Variants in MTA3 observed in about 807,000 individuals in gnomAD.
The protein encoded by MTA3 is metastasis-associated protein MTA3.
A neutral mutation model predicts 83.5 loss-of-function variants in MTA3; 34 were observed. That is an observed-to-expected ratio of 0.41 (90% CI 0.31 to 0.54). MTA3 has a LOEUF of 0.54. MTA3 is among the 20% of genes least tolerant of loss of function. The probability of loss-of-function intolerance (pLI) is 0.33; values close to 1 mark genes in which losing one functional copy is unlikely to be tolerated. For missense variants in MTA3, 761 were observed against 726.4 expected (o/e 1.05, Z -0.55); for synonymous variants, 303 against 252.7 (o/e 1.20, Z -1.89).
chr2:42,669,083 ATTT>A (rs761988223), intron 8 of MTA3, among the ~76,000 whole-genome samples: 6 of 130,718 alleles, frequency 4.6e-5, no homozygotes, highest in Non-Finnish European at 3.2e-5. Context: ...GAAAATACAG[ATTT>A]TTTTTTTTTT....
intron 4 of MTA3, among the ~76,000 whole-genome samples, chr2:42,634,987 A>G (rs529593983): frequency 2.0e-5 from 3 of 152,252 alleles, no homozygotes; most frequent in South Asian, 2.1e-4. Flanking sequence ...GGAGTTTATC[A>G]TTGTTTTACC....
At chr2:42,725,302 A>G (rs907955832) in intron 16 of MTA3, among the ~76,000 whole-genome samples, 12 of 152,186 alleles carry the variant, frequency 7.9e-5, no homozygotes, top group African/African-American at 2.7e-4. Flanking sequence ...AAATTTTCCA[A>G]AGTTACCAGG....
chr2:42,592,562 G>GTA (rs1256839629), intron 3 of MTA3, among the ~76,000 whole-genome samples: 1 of 152,134 alleles, frequency 6.6e-6, no homozygotes, highest in African/African-American at 2.4e-5. Flanking sequence ...CAAGCCTGGT[G>GTA]TACAGATGGA....
chr2:42,666,309 A>AT (rs1690229219), intron 8 of MTA3, among the ~76,000 whole-genome samples: 12 of 152,144 alleles, frequency 7.9e-5, no homozygotes, highest in Admixed American at 7.9e-4. Flanking sequence ...CGTAACTGTT[A>AT]TTTTATTTTG....
chr2:42,548,863 T>TA (rs1283182223), intron 2 of MTA3, among the ~76,000 whole-genome samples: 22 of 11,928 alleles, frequency 1.8e-3, no homozygotes, highest in South Asian at 7.9e-3. Flanking sequence ...ATATATAATA[T>TA]ATATATATAT....
At chr2:42,543,180 AT>A (rs571734488) in intron 2 of MTA3, among the ~76,000 whole-genome samples, 9 of 151,120 alleles carry the variant, frequency 6.0e-5, no homozygotes, top group Admixed American at 2.0e-4. Flanking sequence ...ATCTTAAACA[AT>A]TTTTTTTGTT....
At chr2:42,632,283 G>C (rs1242700950) in intron 4 of MTA3, among the ~76,000 whole-genome samples, 4 of 151,394 alleles carry the variant, frequency 2.6e-5, no homozygotes, top group Admixed American at 1.3e-4. Flanking sequence ...GTAGAGACAG[G>C]GTTTCACCGT....
chr2:42,724,288 A>ACACACACACACACT (rs1667649862), intron 16 of MTA3, among the ~76,000 whole-genome samples: 1 of 142,632 alleles, frequency 7.0e-6, no homozygotes, highest in Non-Finnish European at 1.5e-5. Context: ...ACACACACAC[A>ACACACACACACACT]CACACACACA....
intron 16 of MTA3, among the ~76,000 whole-genome samples, chr2:42,729,291 C>T (rs1318163008): frequency 3.3e-5 from 5 of 151,236 alleles, no homozygotes; most frequent in East Asian, 1.9e-4. Flanking sequence ...TTAGTAGAGA[C>T]GGGGTTTCAC....
At chr2:42,523,548 T>C (rs182837310) in intron 2 of MTA3, among the ~76,000 whole-genome samples, 5 of 152,300 alleles carry the variant, frequency 3.3e-5, no homozygotes, top group Non-Finnish European at 5.9e-5. Context: ...TAGACGCTCA[T>C]CTCAGTTGCT....
chr2:42,499,554 G>A (rs1440981644), intron 2 of MTA3, among the ~76,000 whole-genome samples: 1 of 151,466 alleles, frequency 6.6e-6, no homozygotes, highest in Non-Finnish European at 1.5e-5. Context: ...CACTTTCGGA[G>A]GCCGAGTCAG....
At chr2:42,635,180 T>G (rs1041456547) in intron 4 of MTA3, among the ~76,000 whole-genome samples, 8 of 152,212 alleles carry the variant, frequency 5.3e-5, no homozygotes, top group Non-Finnish European at 1.2e-4. Flanking sequence ...AATCTAGTCT[T>G]CTGAAAGCAT....
chr2:42,650,410 C>T (rs1308292207), intron 6 of MTA3, among the ~76,000 whole-genome samples: 1 of 151,940 alleles, frequency 6.6e-6, no homozygotes, highest in Non-Finnish European at 1.5e-5. Context: ...TATTTCTGTA[C>T]ATTTGATTGT....
chr2:42,564,647 G>A (rs1558438383), upstream of MTA3, among the ~76,000 whole-genome samples: 1 of 152,112 alleles, frequency 6.6e-6, no homozygotes, highest in Non-Finnish European at 1.5e-5. Context: ...TGGAAAACAC[G>A]AACCAACAAG....
At chr2:42,701,543 G>A (rs1346402875) in intron 11 of MTA3, among the ~76,000 whole-genome samples, 3 of 152,032 alleles carry the variant, frequency 2.0e-5, no homozygotes, top group Non-Finnish European at 4.4e-5. Context: ...ACTGCAGTGA[G>A]TGGTGATCAC....
intron 8 of MTA3, among the ~76,000 whole-genome samples, chr2:42,674,446 C>T (rs1348226100): frequency 6.6e-6 from 1 of 152,194 alleles, no homozygotes; most frequent in African/African-American, 2.4e-5. Context: ...TGCTTTTTGG[C>T]AGAGAGAACA....
At chr2:42,661,701 T>C (rs1010404953) in intron 8 of MTA3, among the ~76,000 whole-genome samples, 3 of 152,042 alleles carry the variant, frequency 2.0e-5, no homozygotes, top group African/African-American at 7.2e-5. Context: ...TTACCCAGAG[T>C]AGAATGTTCT....
intron 4 of MTA3, among the ~76,000 whole-genome samples, chr2:42,613,141 C>T (rs1414627669): frequency 6.6e-6 from 1 of 152,136 alleles, no homozygotes; most frequent in Non-Finnish European, 1.5e-5. Flanking sequence ...CTTTGTTGAA[C>T]ATAGAAATTA....
chr2:42,681,347 C>G (rs1427967572), intron 8 of MTA3, among the ~76,000 whole-genome samples: 1 of 152,138 alleles, frequency 6.6e-6, no homozygotes, highest in Non-Finnish European at 1.5e-5. Flanking sequence ...AAATATCATA[C>G]TCTGCTCCAT....
Sources: gnomAD v4.1 joint callset for allele counts (sites outside exome capture counted in the v4.1 genomes callset) on GRCh38, gnomAD v4.1.1 for gene constraint, MANE v1.5 for transcripts, NCBI Gene and HGNC (gene_info 2026-07-23, HGNC 2026-07-21) for gene names.